IKBIP: variants seen among roughly 807,000 people sequenced by gnomAD.
IKBIP encodes inhibitor of nuclear factor kappa-B kinase-interacting protein.
IKBIP carries 28 observed loss-of-function variants against 31.0 expected under a neutral mutation model. The ratio of observed to expected loss-of-function variants is 0.90; its 90% CI spans 0.67 to 1.24. The LOEUF (loss-of-function observed/expected upper bound fraction) is 1.24. IKBIP is among the 50% of genes most tolerant of loss of function. The pLI is 0.00. For missense variants in IKBIP, 453 were observed against 441.9 expected (o/e 1.03, Z -0.23); for synonymous variants, 164 against 160.3 (o/e 1.02, Z -0.17).
At chr12:98,642,720 C>T (rs1243774734) in intron 1 of IKBIP, among the ~76,000 whole-genome samples, 2 of 150,208 alleles carry the variant, frequency 1.3e-5, no homozygotes, top group African/African-American at 4.9e-5. Flanking sequence ...CCTGCCTCAG[C>T]CTCCTGAGTA....
Position 98,626,364 on chromosome 12 carries a change from C to T in IKBIP, c.700G>A (p.Asp234Asn). The T allele has an allele frequency of 6.2e-7, 1 of 1,614,078 alleles. No individual in the cohort carries two copies. The highest frequency in any genetic ancestry group is 8.5e-7 in the Non-Finnish European group (1 of 1,180,034). ...LLRVEEQLGSDTKAIEKLEEE... is the reference protein window; with the variant it reads ...LLRVEEQLGSNTKAIEKLEEE... ...TCTAACTTTTCAATTGCCTTTGTAT[C>T]AGAGCCTAGCTGCTCCTCTACTCGC... The change falls in exon 3 of 3, where the codon GAT becomes AAT. Residue 234 changes from aspartate (D) to asparagine (N), a missense_variant. Physicochemically the swap from Asp to Asn is conservative, Grantham distance 23 (BLOSUM62 1). Transcript: ENST00000299157.
chr12:98,616,554 C>A (rs974573815), intron 2 of IKBIP, among the ~76,000 whole-genome samples: 55 of 152,158 alleles, frequency 3.6e-4, no homozygotes, highest in African/African-American at 1.3e-3. Flanking sequence ...TCAAAAAAAT[C>A]TTTCCCAAGA....
In IKBIP at chr12:98,624,765, T is replaced by C. The variant is rs557345494; in HGVS notation, c.*1165A>G. 2.4e-4 allele frequency: 210 copies of C among 886,534 alleles called. 3 individuals carry two copies. The South Asian group carries it at 8.7e-3, about 37-fold the overall frequency. 54.9% of individuals were successfully genotyped at this position (886,534 alleles called of 1,614,324 possible). A position where few individuals can be genotyped will look rare whatever the true frequency, so the allele number is the denominator to read the frequency against. ...TTATCATAATTAATTATCAGAGTTA[T>C]GTTACTTTTCCCTCAAAACAGGCCA... On this transcript the variant is annotated 3_prime_UTR_variant, in exon 3 of 3. Transcript: ENST00000299157.
exon 3 of IKBIP, chr12:98,614,290 A>C (rs987299089): frequency 1.9e-6 from 3 of 1,601,054 alleles, no homozygotes; most frequent in African/African-American, 1.3e-5. Flanking sequence ...TTAGATGAGC[A>C]ATTATTTGAA....
Position 98,626,731 on chromosome 12 carries a change from T to A in IKBIP, c.333A>T (p.Thr111=), listed in dbSNP as rs1351390475. The A allele has an allele frequency of 6.2e-7, 1 of 1,611,454 alleles. No individual in the cohort carries two copies. ...ESTESILQEA[T]SSMSLMTQFE... is the part of the protein sequence containing the mutation. ...ACTGGGTCATCAAAGACATGGATGA[T>A]GTAGCTTCCTGCAGGATGCTTTCAG... The change falls in exon 3 of 3, where the codon ACA becomes ACT. Residue 111 remains threonine (T), a synonymous_variant. Coordinates refer to ENST00000299157, the MANE Select transcript of IKBIP (RefSeq NM_153687.4).
At chr12:98,616,945 A>T (rs1282471249) in intron 2 of IKBIP, among the ~76,000 whole-genome samples, 1 of 152,096 alleles carries the variant, frequency 6.6e-6, no homozygotes. Context: ...TTTGCTCAAG[A>T]TTGCTTTGGC....
At chr12:98,632,000 C>T (rs1454609011) in intron 2 of IKBIP, among the ~76,000 whole-genome samples, 4 of 151,328 alleles carry the variant, frequency 2.6e-5, no homozygotes, top group Admixed American at 6.6e-5. Flanking sequence ...GGATTACAGG[C>T]GCCCGCCACC....
intron 1 of IKBIP, 111 bp downstream of exon 1, chr12:98,644,412 G>A: frequency 9.7e-7 from 1 of 1,030,352 alleles, no homozygotes; most frequent in South Asian, 1.7e-5. Context: ...AGGCACAGAA[G>A]GCCCAGGTCT....
At chr12:98,640,694 AACTGAC>A (rs2097629640) in intron 1 of IKBIP, among the ~76,000 whole-genome samples, 1 of 152,174 alleles carries the variant, frequency 6.6e-6, no homozygotes, top group African/African-American at 2.4e-5. Context: ...GAGCTATGCA[AACTGAC>A]ACTCAAGCCA....
chr12:98,635,039 C>T (rs2097624585), intron 1 of IKBIP, among the ~76,000 whole-genome samples: 1 of 127,050 alleles, frequency 7.9e-6, no homozygotes, highest in African/African-American at 3.0e-5. Context: ...GAGTTTTGCT[C>T]TTGTTGCCCA....
intron 2 of IKBIP, among the ~76,000 whole-genome samples, chr12:98,632,524 T>TATATATATATAA (rs2097621719): frequency 1.6e-5 from 1 of 63,436 alleles, no homozygotes; most frequent in African/African-American, 5.8e-5. Context: ...TATATATATA[T>TATATATATATAA]ATATATATAT....
chr12:98,643,298 C>A (rs1424330216), intron 1 of IKBIP, among the ~76,000 whole-genome samples: 5 of 152,102 alleles, frequency 3.3e-5, no homozygotes, highest in African/African-American at 1.2e-4. Context: ...GGATGAGTCA[C>A]CAGTAAAGTA....
chr12:98,616,856 A>G (rs1426050311), intron 2 of IKBIP, among the ~76,000 whole-genome samples: 2 of 152,034 alleles, frequency 1.3e-5, no homozygotes, highest in Admixed American at 1.3e-4. Context: ...TTTAAATGCT[A>G]GTATCACGCT....
At chr12:98,642,971 G>A (rs1279824615) in intron 1 of IKBIP, among the ~76,000 whole-genome samples, 49 of 151,100 alleles carry the variant, frequency 3.2e-4, no homozygotes, top group Non-Finnish European at 1.5e-5. Flanking sequence ...TTTGTTTTTT[G>A]AGATGGAGTC....
Position 98,626,437 on chromosome 12 carries a change from T to G in IKBIP, c.627A>C (p.Thr209=), listed in dbSNP as rs1412789161. Residue 209 remains threonine, a synonymous_variant, in exon 3 of 3, where the codon ACA becomes ACC. Transcript: ENST00000299157. ...TTTTTACTGTTCTAATATTTCTTAG[T>G]GTGCTATCTTCCAAATCTTTTAGCC... is the stretch of plus-strand genomic sequence containing the variant. ...TERLKDLEDS[T]LRNIRTVKRQ... 6.2e-7 allele frequency: 1 copy of G among 1,613,352 alleles called. No individual in the cohort carries two copies. Among genetic ancestry groups the G allele is most frequent in the Non-Finnish European group, 8.5e-7 (1 of 1,180,016 alleles).
At position 98,626,447 on chromosome 12, in the gene IKBIP, T is replaced by TC. The variant is rs765546325; in HGVS notation, c.616dup (p.Glu206GlyfsTer3). ...TCTAATATTTCTTAGTGTGCTATCT[T>TC]CCAAATCTTTTAGCCGTTCAGTGAG... On this transcript the variant is annotated frameshift_variant, in exon 3 of 3. Transcript: ENST00000299157. LOFTEE classifies it high-confidence loss of function. 6.2e-7 allele frequency: 1 copy of TC among 1,613,360 alleles called. No individual in the cohort carries two copies. Among genetic ancestry groups the TC allele is most frequent in the South Asian group, 1.1e-5 (1 of 91,084 alleles).
chr12:98,633,669 C>G (rs147592505), intron 2 of IKBIP, among the ~76,000 whole-genome samples: 2,968 of 151,774 alleles, frequency 0.02, 48 homozygotes, highest in South Asian at 0.033. Context: ...GGCGTGTGCA[C>G]CACGCCCAGC....
downstream of IKBIP, among the ~76,000 whole-genome samples, chr12:98,622,988 C>CT (rs1040957754): frequency 1.1e-4 from 16 of 146,746 alleles, no homozygotes; most frequent in Middle Eastern, 6.3e-3. Context: ...AGTACTTTTA[C>CT]TTTTTTTTTT....
intron 1 of IKBIP, among the ~76,000 whole-genome samples, chr12:98,636,863 C>A (rs1211883642): frequency 1.3e-5 from 2 of 151,378 alleles, no homozygotes; most frequent in Non-Finnish European, 2.9e-5. Context: ...AAGAGACCAC[C>A]CTAAAGAAAT....
Sources: allele counts gnomAD v4.1 joint callset (sites outside exome capture counted in the v4.1 genomes callset), GRCh38; gene constraint gnomAD v4.1.1; transcripts MANE v1.5; gene names NCBI Gene and HGNC (gene_info 2026-07-23, HGNC 2026-07-21).